Variants in RBFOX1 observed in about 807,000 individuals in gnomAD.
RBFOX1 encodes RNA binding protein fox-1 homolog 1.
A neutral mutation model predicts 57.7 loss-of-function variants in RBFOX1; 8 were observed. The ratio of observed to expected loss-of-function variants is 0.14; its 90% confidence interval spans 0.08 to 0.25. The LOEUF (loss-of-function observed/expected upper bound fraction) is 0.25. Ranked by LOEUF, RBFOX1 falls within the 10% of genes least tolerant of loss-of-function variation. The probability of loss-of-function intolerance (pLI) is 1.00; values close to 1 mark genes in which losing one functional copy is unlikely to be tolerated. For synonymous variants in RBFOX1, 326 were observed against 222.4 expected, an observed-to-expected ratio of 1.47 and a Z score of -4.15; for missense variants, 611 against 548.5, an observed-to-expected ratio of 1.11 and a Z score of -1.14.
chr16:6,402,317 T>A (rs2093105890), intron 2 of RBFOX1, among the ~76,000 whole-genome samples: 1 of 152,124 alleles, frequency 6.6e-6, no homozygotes. Context: ...AGTAGAGAAC[T>A]GAAATCTCAC....
rs571938401 is a variant in RBFOX1 at position 6,693,246 on chromosome 16, C to T, written c.-16+38596C>T. Among the ~76,000 whole-genome samples, 470 of 151,920 alleles carry T rather than the reference C, an allele frequency of 3.1e-3. 3 individuals carry two copies. Among genetic ancestry groups the T allele is most frequent in the African/African-American group, 0.011 (452 of 41,452 alleles). On this transcript the variant is annotated intron_variant, in intron 3 of 15. Transcript: ENST00000550418. ...CATCCTCCTCCACTACCATCACCAC[C>T]ATCATCATCATCCTCATCCACTAAC...
At chr16:7,247,688 GC>G (rs1433077479) in intron 4 of RBFOX1, among the ~76,000 whole-genome samples, 7 of 152,164 alleles carry the variant, frequency 4.6e-5, no homozygotes, top group Non-Finnish European at 8.8e-5. Flanking sequence ...TCTTAATTTA[GC>G]TGAAATGGAA....
chr16:6,882,787 T>A (rs1488957766), intron 3 of RBFOX1, among the ~76,000 whole-genome samples: 2 of 151,942 alleles, frequency 1.3e-5, no homozygotes, highest in African/African-American at 4.8e-5. Context: ...AGGATGCAAG[T>A]GGCATTCCTG....
intron 4 of RBFOX1, among the ~76,000 whole-genome samples, chr16:7,249,601 T>TAA (rs202035763): frequency 1.0e-3 from 147 of 146,880 alleles, no homozygotes; most frequent in East Asian, 2.4e-3. Context: ...CTTCTTTCTT[T>TAA]AAAAAAAAAA....
At chr16:6,239,476 C>A (rs987821969) in intron 1 of RBFOX1, among the ~76,000 whole-genome samples, 26 of 143,376 alleles carry the variant, frequency 1.8e-4, no homozygotes, top group African/African-American at 6.8e-4. Context: ...TATTCTTCTC[C>A]AACTGACTCT....
intron 3 of RBFOX1, among the ~76,000 whole-genome samples, chr16:5,726,888 A>C (rs1485887643): frequency 6.6e-6 from 1 of 152,078 alleles, no homozygotes; most frequent in Non-Finnish European, 1.5e-5. Context: ...GGTGAAGGAA[A>C]CTGAGGCTCA....
intron 3 of RBFOX1, among the ~76,000 whole-genome samples, chr16:6,966,128 A>T (rs968608917): frequency 6.6e-6 from 1 of 152,180 alleles, no homozygotes; most frequent in African/African-American, 2.4e-5. Context: ...TAAAAAGCAC[A>T]TAAGGCATGG....
chr16:6,613,151 CATT>C (rs1222624244), intron 2 of RBFOX1, among the ~76,000 whole-genome samples: 6 of 152,050 alleles, frequency 3.9e-5, no homozygotes, highest in African/African-American at 1.4e-4. Context: ...GATCTATAGG[CATT>C]ATGCTTGCTG....
At chr16:5,569,537 G>A (rs1369808024) in intron 2 of RBFOX1, among the ~76,000 whole-genome samples, 2 of 131,410 alleles carry the variant, frequency 1.5e-5, no homozygotes, top group Admixed American at 9.4e-5. Context: ...CATCTCATTC[G>A]ATTCTCAGAA....
intron 2 of RBFOX1, among the ~76,000 whole-genome samples, chr16:6,386,240 A>G (rs1034473013): frequency 3.3e-5 from 5 of 152,076 alleles, no homozygotes; most frequent in African/African-American, 1.2e-4. Context: ...TAAGCTTCAC[A>G]CTGCTGTCCT....
intron 1 of RBFOX1, among the ~76,000 whole-genome samples, chr16:5,286,983 C>T (rs376030944): frequency 6.6e-6 from 1 of 152,150 alleles, no homozygotes; most frequent in Non-Finnish European, 1.5e-5. Flanking sequence ...GAAAGCAACC[C>T]GCTGTCAGAA....
chr16:5,997,683 A>G (rs2060514588), intron 4 of RBFOX1, among the ~76,000 whole-genome samples: 1 of 152,198 alleles, frequency 6.6e-6, no homozygotes, highest in Admixed American at 6.5e-5. Context: ...TTGGAAGAGG[A>G]ATGGTTTTCA....
chr16:5,730,050 G>C (rs1290683510), intron 3 of RBFOX1, among the ~76,000 whole-genome samples: 1 of 152,176 alleles, frequency 6.6e-6, no homozygotes, highest in African/African-American at 2.4e-5. Flanking sequence ...TCCACTTTGA[G>C]TATCACACAG....
intron 3 of RBFOX1, among the ~76,000 whole-genome samples, chr16:6,977,065 T>C (rs2087147934): frequency 7.1e-6 from 1 of 140,498 alleles, no homozygotes; most frequent in Non-Finnish European, 1.5e-5. Flanking sequence ...GTATGAGATA[T>C]ACTTTATCAT....
chr16:5,803,777 C>G (rs148727768), intron 3 of RBFOX1, among the ~76,000 whole-genome samples: 2 of 152,134 alleles, frequency 1.3e-5, no homozygotes, highest in African/African-American at 2.4e-5. Flanking sequence ...TTATCTCATG[C>G]TCTACTATGA....
Position 5,358,292 on chromosome 16 carries a change from C to T in RBFOX1, c.220-108924C>T, listed in dbSNP as rs182538753. 2.5e-3 allele frequency among the ~76,000 whole-genome samples: 378 copies of T among 152,104 alleles called. 2 individuals carry two copies. Among genetic ancestry groups the T allele is most frequent in the Middle Eastern group, 0.01 (3 of 294 alleles). On this transcript the variant is annotated intron_variant, in intron 1 of 2. Transcript: ENST00000585867. ...GGACATAGTTTTATGGGATTAGGGC[C>T]CATTCTGTTCCAGTATGACCTACTG...
At chr16:7,622,999 T>C (rs976387555) in intron 10 of RBFOX1, among the ~76,000 whole-genome samples, 5 of 152,184 alleles carry the variant, frequency 3.3e-5, no homozygotes, top group African/African-American at 1.2e-4. Flanking sequence ...TGGGTAAATT[T>C]TGGAAAAATC....
At chr16:5,802,084 G>A (rs937948728) in intron 3 of RBFOX1, among the ~76,000 whole-genome samples, 15 of 152,120 alleles carry the variant, frequency 9.9e-5, no homozygotes, top group African/African-American at 3.4e-4. Context: ...GGAAGCAGAC[G>A]TGTAATAAGC....
intron 1 of RBFOX1, among the ~76,000 whole-genome samples, chr16:5,328,955 G>C (rs2064666662): frequency 6.6e-6 from 1 of 152,264 alleles, no homozygotes; most frequent in South Asian, 2.1e-4. Context: ...AGATGCTTCC[G>C]AATACTTTAT....
Sources: allele counts gnomAD v4.1 joint callset (sites outside exome capture counted in the v4.1 genomes callset), GRCh38; gene constraint gnomAD v4.1.1; transcripts MANE v1.5; gene names NCBI Gene and HGNC (gene_info 2026-07-23, HGNC 2026-07-21).